The following CFAP90 variants were observed in gnomAD, a reference collection of about 807,000 sequenced individuals.
CFAP90 encodes the protein cilia and flagella associated protein 90.
chr5:7,837,096 A>G, the CFAP90 span, among the ~76,000 whole-genome samples: 1 of 152,190 alleles, frequency 6.6e-6, no homozygotes, highest in African/African-American at 2.4e-5. Context: ...GAATACATAT[A>G]TTTAATATAC....
At chr5:7,842,455 G>A in the CFAP90 span, among the ~76,000 whole-genome samples, 5 of 151,812 alleles carry the variant, frequency 3.3e-5, no homozygotes, top group African/African-American at 1.2e-4. Flanking sequence ...CAAGTAGGCT[G>A]GGGCCAGGAA....
At chr5:7,842,376 T>A in the CFAP90 span, among the ~76,000 whole-genome samples, 1 of 150,488 alleles carries the variant, frequency 6.6e-6, no homozygotes, top group East Asian at 2.0e-4. Context: ...GCAGGGGTAA[T>A]GCTATGTGCT....
the CFAP90 span, among the ~76,000 whole-genome samples, chr5:7,839,264 T>C: frequency 6.6e-6 from 1 of 152,112 alleles, no homozygotes; most frequent in Non-Finnish European, 1.5e-5. Flanking sequence ...ATATGAGATT[T>C]GGGTGGCGAC....
At chr5:7,845,323 G>T in the CFAP90 span, among the ~76,000 whole-genome samples, 1 of 152,150 alleles carries the variant, frequency 6.6e-6, no homozygotes, top group African/African-American at 2.4e-5. Flanking sequence ...ATCTGTATAG[G>T]TGCTTGGCTG....
the CFAP90 span, among the ~76,000 whole-genome samples, chr5:7,835,001 G>A: frequency 6.6e-6 from 1 of 152,102 alleles, no homozygotes; most frequent in African/African-American, 2.4e-5. Context: ...TTGCAGGTTT[G>A]GTTCTAAACC....
At chr5:7,843,163 C>T in the CFAP90 span, among the ~76,000 whole-genome samples, 1 of 152,172 alleles carries the variant, frequency 6.6e-6, no homozygotes, top group African/African-American at 2.4e-5. Flanking sequence ...AAACAGTTTC[C>T]TTTGATTCAT....
the CFAP90 span, chr5:7,850,992 C>A: frequency 3.1e-6 from 4 of 1,290,648 alleles, no homozygotes; most frequent in Non-Finnish European, 3.9e-6. Context: ...GCAGCGTGGA[C>A]GCGGTGGTCT....
At chr5:7,842,038 AAG>A in the CFAP90 span, among the ~76,000 whole-genome samples, 2 of 152,142 alleles carry the variant, frequency 1.3e-5, no homozygotes, top group African/African-American at 4.8e-5. Context: ...CTCCAAAACT[AAG>A]AGAGAAGAAA....
At chr5:7,831,562 A>C in the CFAP90 span, 9 of 290,696 alleles carry the variant, frequency 3.1e-5, no homozygotes, top group African/African-American at 1.9e-4. Context: ...GGTGCTCACA[A>C]TGAATCGGTC....
the CFAP90 span, chr5:7,835,262 A>G: frequency 4.8e-6 from 3 of 619,166 alleles, no homozygotes; most frequent in South Asian, 5.1e-5. Flanking sequence ...CAAACTTTCA[A>G]TTTGTAAAAA....
chr5:7,847,915 C>A, the CFAP90 span, among the ~76,000 whole-genome samples: 1 of 152,164 alleles, frequency 6.6e-6, no homozygotes, highest in Non-Finnish European at 1.5e-5. Flanking sequence ...TTTACAGGAT[C>A]CCTCAAATGG....
chr5:7,835,545 G>C, the CFAP90 span: 1 of 1,115,002 alleles, frequency 9.0e-7, no homozygotes, highest in Non-Finnish European at 1.3e-6. Flanking sequence ...TTGAAGGCTG[G>C]GTCATTGAGG....
At chr5:7,847,325 G>C in the CFAP90 span, among the ~76,000 whole-genome samples, 2 of 152,116 alleles carry the variant, frequency 1.3e-5, no homozygotes, top group African/African-American at 4.8e-5. Flanking sequence ...ACTTGAATTT[G>C]TTTGTGACCT....
the CFAP90 span, among the ~76,000 whole-genome samples, chr5:7,850,578 T>C: frequency 1.1e-4 from 1 of 8,996 alleles, no homozygotes; most frequent in African/African-American, 4.9e-4. Context: ...CCAGGCTGCC[T>C]CCCCTAAGGT....
the CFAP90 span, among the ~76,000 whole-genome samples, chr5:7,847,648 C>T: frequency 2.0e-5 from 3 of 152,270 alleles, no homozygotes; most frequent in African/African-American, 7.2e-5. Context: ...GTTTACTGAC[C>T]CCAGCATTAA....
chr5:7,835,308 A>G, the CFAP90 span: 10 of 823,046 alleles, frequency 1.2e-5, no homozygotes, highest in Middle Eastern at 2.3e-4. Context: ...AGTGAAGTGT[A>G]ATAAAACTAG....
At chr5:7,847,358 A>G in the CFAP90 span, among the ~76,000 whole-genome samples, 1 of 152,332 alleles carries the variant, frequency 6.6e-6, no homozygotes, top group South Asian at 2.1e-4. Context: ...CTGCATGGAA[A>G]AAAATTGTTT....
At chr5:7,846,054 CATA>C in the CFAP90 span, among the ~76,000 whole-genome samples, 1 of 151,910 alleles carries the variant, frequency 6.6e-6, no homozygotes, top group African/African-American at 2.4e-5. Context: ...AAAGGCAAAT[CATA>C]ATAATAGCTA....
At chr5:7,847,831 A>G in the CFAP90 span, among the ~76,000 whole-genome samples, 1 of 152,166 alleles carries the variant, frequency 6.6e-6, no homozygotes, top group Admixed American at 6.5e-5. Flanking sequence ...GATCAATTTC[A>G]CCGCCTTTCC....
Sources: gnomAD v4.1 joint callset for allele counts (sites outside exome capture counted in the v4.1 genomes callset) on GRCh38, gnomAD v4.1.1 for gene constraint, MANE v1.5 for transcripts, NCBI Gene and HGNC (gene_info 2026-07-23, HGNC 2026-07-21) for gene names.